Variants in RCL1 observed in about 807,000 individuals in gnomAD.
RCL1 encodes the protein RNA terminal phosphate cyclase like 1.
In RCL1, 24 loss-of-function variants were observed where a neutral mutation model predicts 42.4. The observed-to-expected ratio is 0.57, with a 90% confidence interval of 0.41 to 0.80. The LOEUF (loss-of-function observed/expected upper bound fraction) is 0.80, where lower values mean the gene tolerates loss of function less well. RCL1 is among the 30% of genes least tolerant of loss of function. The pLI is 0.00. For synonymous variants in RCL1, 228 were observed against 177.3 expected (o/e 1.29, Z -2.27); for missense variants, 578 against 467.9 (o/e 1.24, Z -2.17).
intron 8 of RCL1, among the ~76,000 whole-genome samples, chr9:4,853,626 A>G (rs1817834025): frequency 1.3e-5 from 2 of 151,948 alleles, no homozygotes; most frequent in South Asian, 2.1e-4. Flanking sequence ...CGGCCAACCC[A>G]TTGTGCTCTT....
In RCL1 at chr9:4,833,236, T is replaced by C; in HGVS notation, c.459+8T>C. The stretch of plus-strand genomic sequence containing the variant: ...GAATCATTTGAACTGAAGGTAAGAA[T>C]GTTTGAACTGTTGACCATATGTTCC... On this transcript the variant is annotated splice_region_variant and intron_variant, in intron 4 of 8. Transcript: ENST00000381750. The C allele has an allele frequency of 6.3e-7, 1 of 1,598,784 alleles. No individual in the cohort carries two copies. The highest frequency in any genetic ancestry group is 8.6e-7 in the Non-Finnish European group (1 of 1,166,042).
intron 1 of RCL1, among the ~76,000 whole-genome samples, chr9:4,815,836 G>A (rs963513939): frequency 1.3e-5 from 2 of 152,134 alleles, no homozygotes; most frequent in African/African-American, 2.4e-5. Flanking sequence ...GGTGAGGTCT[G>A]TAAGTGTCTA....
At chr9:4,820,303 T>A (rs977978450) in intron 1 of RCL1, among the ~76,000 whole-genome samples, 2 of 152,174 alleles carry the variant, frequency 1.3e-5, no homozygotes, top group Non-Finnish European at 2.9e-5. Context: ...GACTTTGATC[T>A]TACCATTATT....
chr9:4,834,291 C>CT (rs141431065), intron 5 of RCL1, 26 bp downstream of exon 5: 4,870 of 1,408,528 alleles, frequency 3.5e-3, no homozygotes, highest in East Asian at 7.7e-3. Context: ...ATTTGGATTT[C>CT]TTTTTTTTTT....
rs138809707 is a variant in RCL1 at position 4,798,455 on chromosome 9, A to G, written c.136+5228A>G. 9.7e-4 allele frequency among the ~76,000 whole-genome samples: 148 copies of G among 152,374 alleles called. 2 individuals carry two copies. Among genetic ancestry groups the G allele is most frequent in the African/African-American group, 3.3e-3 (139 of 41,596 alleles). ...CTTAGTGTCTTCCCCTGTGAAATTG[A>G]GAGGAGTTACTTGGTCCCATGGGGG... is the stretch of plus-strand genomic sequence containing the variant. On this transcript the variant is annotated intron_variant, in intron 1 of 8. Transcript: ENST00000381750.
intron 8 of RCL1, among the ~76,000 whole-genome samples, chr9:4,855,472 C>G (rs960254586): frequency 4.6e-5 from 7 of 152,082 alleles, no homozygotes; most frequent in African/African-American, 1.7e-4. Flanking sequence ...GAGGCGGTGC[C>G]TCAGTGCAGC....
chr9:4,849,003 G>C (rs1036002350), intron 7 of RCL1, among the ~76,000 whole-genome samples: 1 of 152,062 alleles, frequency 6.6e-6, no homozygotes, highest in Non-Finnish European at 1.5e-5. Context: ...ATGTCAGATA[G>C]ACTGTGTTGT....
intron 2 of RCL1, 59 bp downstream of exon 2, chr9:4,823,678 A>C (rs1816666084): frequency 1.6e-6 from 2 of 1,218,368 alleles, no homozygotes; most frequent in Admixed American, 2.4e-5. Context: ...CCTGTTTCTC[A>C]CTCTTTTTTT....
chr9:4,831,767 T>G (rs538190596), intron 3 of RCL1, among the ~76,000 whole-genome samples: 1 of 152,368 alleles, frequency 6.6e-6, no homozygotes, highest in Admixed American at 6.5e-5. Context: ...AAGCATGTTC[T>G]TAGGCCTCAC....
At chr9:4,830,093 A>G (rs1288447048) in intron 3 of RCL1, among the ~76,000 whole-genome samples, 1 of 152,230 alleles carries the variant, frequency 6.6e-6, no homozygotes, top group African/African-American at 2.4e-5. Flanking sequence ...AGCAGGAATC[A>G]AGTTCTAAGA....
chr9:4,822,784 A>C (rs138941633), intron 1 of RCL1, among the ~76,000 whole-genome samples: 1 of 152,184 alleles, frequency 6.6e-6, no homozygotes, highest in Non-Finnish European at 1.5e-5. Context: ...TCACGCCACT[A>C]TACTCCAGTT....
chr9:4,823,664 C>T (rs370370711), intron 2 of RCL1, 45 bp downstream of exon 2: 17 of 1,305,668 alleles, frequency 1.3e-5, no homozygotes, highest in Admixed American at 2.2e-5. Flanking sequence ...TGCACTAAAG[C>T]ATTCCTGTTT....
chr9:4,858,092 T>C (rs1563863369), intron 8 of RCL1, among the ~76,000 whole-genome samples: 3 of 152,038 alleles, frequency 2.0e-5, no homozygotes, highest in Admixed American at 2.0e-4. Flanking sequence ...AATAGACTGG[T>C]CTTGAATTCC....
At chr9:4,821,644 A>G (rs55708787) in intron 1 of RCL1, among the ~76,000 whole-genome samples, 1 of 148,322 alleles carries the variant, frequency 6.7e-6, no homozygotes, top group Non-Finnish European at 1.5e-5. Context: ...AGCTGGACTC[A>G]TTTTTTTTTT....
intron 3 of RCL1, among the ~76,000 whole-genome samples, chr9:4,828,325 A>T (rs1816834972): frequency 6.6e-6 from 1 of 152,170 alleles, no homozygotes; most frequent in African/African-American, 2.4e-5. Flanking sequence ...CAATGAGGTG[A>T]TGCTGTGAGC....
At chr9:4,797,710 C>T (rs1052724624) in intron 1 of RCL1, among the ~76,000 whole-genome samples, 3 of 152,260 alleles carry the variant, frequency 2.0e-5, no homozygotes, top group Non-Finnish European at 4.4e-5. Flanking sequence ...TCCCTGTATC[C>T]CTAATGATTA....
intron 1 of RCL1, 32 bp from the exon 2 acceptor site, chr9:4,823,516 C>A: frequency 6.4e-7 from 1 of 1,562,958 alleles, no homozygotes; most frequent in Non-Finnish European, 8.8e-7. Flanking sequence ...AGTCTGTCTT[C>A]TCTTTTCTTC....
chr9:4,814,360 T>G (rs1328253152), intron 1 of RCL1, among the ~76,000 whole-genome samples: 2 of 152,106 alleles, frequency 1.3e-5, no homozygotes, highest in South Asian at 2.1e-4. Flanking sequence ...CATAGTTTAC[T>G]GCAACCTTGA....
At chr9:4,831,378 A>G (rs1467525543) in intron 3 of RCL1, among the ~76,000 whole-genome samples, 1 of 150,260 alleles carries the variant, frequency 6.7e-6, no homozygotes. Context: ...CTACTTTTTC[A>G]GAATCTGACT....
Sources: gnomAD v4.1 joint callset for allele counts (sites outside exome capture counted in the v4.1 genomes callset) on GRCh38, gnomAD v4.1.1 for gene constraint, MANE v1.5 for transcripts, NCBI Gene and HGNC (gene_info 2026-07-23, HGNC 2026-07-21) for gene names.